PAEP: variants seen among roughly 807,000 people sequenced by gnomAD.
The protein encoded by PAEP is progestagen associated endometrial protein.
A neutral mutation model predicts 23.0 loss-of-function variants in PAEP; 28 were observed. The ratio of observed to expected loss-of-function variants is 1.22; its 90% CI spans 0.90 to 1.67. PAEP has a LOEUF of 1.67. Ranked by LOEUF, PAEP falls within the 40% of genes most tolerant of loss-of-function variation. PAEP has a pLI of 0.00. For missense variants in PAEP, 209 were observed against 226.4 expected (o/e 0.92, Z 0.49); for synonymous variants, 103 against 92.4 (o/e 1.12, Z -0.66).
chr9:135,566,165 G>GT, intron 6 of PAEP: 1 of 244,476 alleles, frequency 4.1e-6, no homozygotes. Context: ...TCGGTCCCAC[G>GT]TTCTTTTTTT....
chr9:135,562,079 C>T (rs777992333), intron 1 of PAEP, among the ~76,000 whole-genome samples, 182 bp downstream of exon 1: 2 of 152,168 alleles, frequency 1.3e-5, no homozygotes. Context: ...TCCCAGCATC[C>T]TAGGTGACTC....
Position 135,562,418 on chromosome 9 carries a change from T to C in PAEP, c.221T>C (p.Ile74Thr). 1 of 1,613,888 alleles carries C rather than the reference T, an allele frequency of 6.2e-7. No individual in the cohort carries two copies. The highest frequency in any genetic ancestry group is 1.1e-5 in the South Asian group (1 of 91,036). Residue 74 changes from isoleucine to threonine, a missense_variant, in exon 2 of 7, where the codon ATC becomes ACC. Ile to Thr is a moderately conservative substitution (Grantham distance 89). Coordinates refer to ENST00000479141, the MANE Select transcript of PAEP (RefSeq NM_002571.4). ...LLPTPEDNLE[I>T]VLHRWENNSC... Reference sequence around the variant, plus strand: ...CCCACCCCCGAGGACAACCTGGAGATCGTTCTGCACAGATGGTGGGTTTCT... The same window carrying C: ...CCCACCCCCGAGGACAACCTGGAGACCGTTCTGCACAGATGGTGGGTTTCT...
chr9:135,565,230 G>A (rs1466621121), intron 4 of PAEP, 180 bp from the exon 5 acceptor site: 1 of 609,812 alleles, frequency 1.6e-6, no homozygotes, highest in Non-Finnish European at 2.9e-6. Flanking sequence ...CAGGGAACCT[G>A]GAGGTGCAGT....
rs1400058937 is a variant in PAEP, at chr9:135,562,228, G to A, written c.97-66G>A. On this transcript the variant is annotated intron_variant, in intron 1 of 6. Coordinates refer to ENST00000479141, the MANE Select transcript of PAEP (RefSeq NM_002571.4). ...ACCCATCCCAGTTAGACTCAGCCCC[G>A]TCTGCACCGGGTGCAACGAGAGCCA... The A allele has an allele frequency of 4.5e-5, 70 of 1,572,570 alleles. No homozygotes were observed. The South Asian group carries it at 4.8e-4, about 11-fold the overall frequency.
At chr9:135,561,933 A>C in intron 1 of PAEP, 36 bp downstream of exon 1, 16 of 904,440 alleles carry the variant, frequency 1.8e-5, no homozygotes, top group Non-Finnish European at 2.5e-5. Flanking sequence ...TTACTGTGGG[A>C]GGCCTGGGGC....
At chr9:135,565,218 GT>G in intron 4 of PAEP, 191 bp from the exon 5 acceptor site, 6 of 601,646 alleles carry the variant, frequency 1.0e-5, no homozygotes, top group Non-Finnish European at 1.8e-5. Flanking sequence ...GGGAGCTGGG[GT>G]CAGGGAACCT....
intron 5 of PAEP, 132 bp downstream of exon 5, chr9:135,565,646 T>C (rs754462273): frequency 7.4e-7 from 1 of 1,342,932 alleles, no homozygotes; most frequent in Admixed American, 1.7e-5. Context: ...CCCCTGGCCT[T>C]CTGGGGTGCA....
chr9:135,566,641 A>T lies in PAEP; in HGVS notation c.*89A>T, dbSNP rs1832587819. On this transcript the variant is annotated 3_prime_UTR_variant, in exon 7 of 7. Coordinates refer to ENST00000479141, the MANE Select transcript of PAEP (RefSeq NM_002571.4). ...CCTCCTGCCCTTTCAAAGAATAACC[A>T]CAGCTCAGAAGACGATGACGTGGTC... The T allele has an allele frequency of 6.5e-6, 1 of 154,760 alleles. No homozygotes were observed. The highest frequency in any genetic ancestry group is 2.4e-5 in the African/African-American group (1 of 41,476). 9.6% of individuals were successfully genotyped at this position (154,760 alleles called of 1,614,324 possible). A position where few individuals can be genotyped will look rare whatever the true frequency, so the allele number is the denominator to read the frequency against.
At position 135,562,854 on chromosome 9, in the gene PAEP, G is replaced by A; in HGVS notation, c.271G>A (p.Gly91Arg). ...CAGCTGTGTTGAGAAGAAGGTCCTT[G>A]GAGAGAAGACTGAGAATCCAAAGAA... is the stretch of plus-strand genomic sequence containing the variant. ...NNSCVEKKVL[G>R]EKTENPKKFK... is the part of the protein sequence containing the mutation. The change falls in exon 3 of 7, where the codon GGA becomes AGA. Residue 91 changes from glycine (G) to arginine (R), a missense_variant. Gly to Arg is a moderately radical substitution (Grantham distance 125). Coordinates refer to ENST00000479141, the MANE Select transcript of PAEP (RefSeq NM_002571.4). 6.2e-7 allele frequency: 1 copy of A among 1,614,068 alleles called. No homozygotes were observed. Among genetic ancestry groups the A allele is most frequent in the Non-Finnish European group, 8.5e-7 (1 of 1,179,938 alleles).
chr9:135,565,294 G>C (rs958669067), intron 4 of PAEP, 116 bp from the exon 5 acceptor site: 2 of 852,886 alleles, frequency 2.3e-6, no homozygotes, highest in Non-Finnish European at 3.9e-6. Flanking sequence ...AACTCTGCCA[G>C]ACCTCGGAGC....
chr9:135,563,098 C>T (rs1210773067), intron 3 of PAEP, among the ~76,000 whole-genome samples: 1 of 152,268 alleles, frequency 6.6e-6, no homozygotes, highest in African/African-American at 2.4e-5. Context: ...AGCACTAATT[C>T]TTGGCATGAC....
chr9:135,564,486 T>C (rs1286531094), intron 4 of PAEP, 132 bp downstream of exon 4: 3 of 1,455,482 alleles, frequency 2.1e-6, no homozygotes, highest in Non-Finnish European at 2.7e-6. Flanking sequence ...TTTTTCTTGG[T>C]TTTTTTTATT....
intron 5 of PAEP, 58 bp from the exon 6 acceptor site, chr9:135,565,727 G>T: frequency 1.2e-6 from 2 of 1,602,440 alleles, no homozygotes; most frequent in South Asian, 2.2e-5. Flanking sequence ...TGGGGCTGCT[G>T]TGTCCCCAGC....
chr9:135,562,429 A>G lies in PAEP; in HGVS notation c.232A>G (p.Arg78Gly). The G allele has an allele frequency of 6.2e-7, 1 of 1,613,338 alleles. No individual in the cohort carries two copies. ...GGACAACCTGGAGATCGTTCTGCAC[A>G]GATGGTGGGTTTCTCATCATTGAGA... ...PEDNLEIVLH[R>G]WENNSCVEKK... The change falls in exon 2 of 7, where the codon AGA becomes GGA. Residue 78 changes from arginine (R) to glycine (G), a missense_variant. Coordinates refer to ENST00000479141, the MANE Select transcript of PAEP (RefSeq NM_002571.4).
At chr9:135,562,938 T>G (rs2119026294) in intron 3 of PAEP, 45 bp downstream of exon 3, 2 of 1,449,990 alleles carry the variant, frequency 1.4e-6, no homozygotes, top group Non-Finnish European at 1.9e-6. Flanking sequence ...GCTGGCATGC[T>G]AGCCACGCTC....
In PAEP at chr9:135,565,531, A is replaced by G. The variant is rs371331642; in HGVS notation, c.526+17A>G. 49 of 1,603,028 alleles carry G rather than the reference A, an allele frequency of 3.1e-5. No homozygotes were observed. The African/African-American group carries it at 5.9e-4, about 19-fold the overall frequency. ...AGATGGAAGGTGAGCTCTGCCTAGGACACGCCCAGCCTCAGCTGGAGGAGA... is the reference window on the plus strand; with the variant it reads ...AGATGGAAGGTGAGCTCTGCCTAGGGCACGCCCAGCCTCAGCTGGAGGAGA... On this transcript the variant is annotated intron_variant, in intron 5 of 6. Transcript: ENST00000479141.
chr9:135,563,502 G>GTGGGTAGC (rs1832429453), intron 3 of PAEP, among the ~76,000 whole-genome samples: 1 of 150,836 alleles, frequency 6.6e-6, no homozygotes. Context: ...AGGTGGGTAG[G>GTGGGTAGC]TGAACAGGTG....
chr9:135,564,247 C>T lies in PAEP; in HGVS notation c.314C>T (p.Thr105Met), dbSNP rs570771664. The change falls in exon 4 of 7, where the codon ACG (threonine) becomes ATG (methionine). Residue 105 changes from threonine (T) to methionine (M), a missense_variant. Transcript: ENST00000479141. ...ENPKKFKINYTVANEATLLDT... is the reference protein window; with the variant it reads ...ENPKKFKINYMVANEATLLDT... Reference sequence around the variant, plus strand: ...GGTTCTTCTCTTCTTTCCCCAGATACGGTGGCGAACGAGGCCACGCTGCTC... The same window carrying T: ...GGTTCTTCTCTTCTTTCCCCAGATATGGTGGCGAACGAGGCCACGCTGCTC... 30 of 1,552,450 alleles carry T rather than the reference C, an allele frequency of 1.9e-5. No individual in the cohort carries two copies. The East Asian group carries it at 5.6e-4, about 29-fold the overall frequency.
At position 135,565,416 on chromosome 9, in the gene PAEP, T is replaced by C; in HGVS notation, c.428T>C (p.Val143Ala). 1 of 1,613,776 alleles carries C rather than the reference T, an allele frequency of 6.2e-7. No homozygotes were observed. The highest frequency in any genetic ancestry group is 8.5e-7 in the Non-Finnish European group (1 of 1,179,848). ...GACCCAGCCTCTTCCACAGCCAGAG[T>C]CCTGGTGGAGGACGATGAGATCATG... ...QSMMCQYLAR[V>A]LVEDDEIMQG... Residue 143 changes from valine to alanine, a missense_variant, in exon 5 of 7, where the codon GTC becomes GCC. By Grantham distance (64) the Val-to-Ala change is moderately conservative. Transcript: ENST00000479141.
Sources: gnomAD v4.1 joint callset for allele counts (sites outside exome capture counted in the v4.1 genomes callset) on GRCh38, gnomAD v4.1.1 for gene constraint, MANE v1.5 for transcripts, NCBI Gene and HGNC (gene_info 2026-07-23, HGNC 2026-07-21) for gene names.